PALLD: variants seen among roughly 807,000 people sequenced by gnomAD.
The protein encoded by PALLD is palladin.
Under a neutral mutation model 123.5 loss-of-function variants are expected in PALLD, and 61 were observed. That is an observed-to-expected ratio of 0.49 (90% CI 0.40 to 0.61). The LOEUF is 0.61. PALLD is among the 20% of genes least tolerant of loss of function. PALLD has a pLI of 0.00. For missense variants in PALLD, 1,273 were observed against 1,377.0 expected (o/e 0.92, Z 1.20); for synonymous variants, 465 against 496.4 (o/e 0.94, Z 0.84).
chr4:168,507,855 A>T (rs1762154458), intron 1 of PALLD, among the ~76,000 whole-genome samples: 1 of 152,116 alleles, frequency 6.6e-6, no homozygotes, highest in South Asian at 2.1e-4. Context: ...CTCCAGATAG[A>T]TTTCTGTTTA....
intron 3 of PALLD, among the ~76,000 whole-genome samples, chr4:168,676,608 C>T (rs940986040): frequency 4.6e-5 from 7 of 151,060 alleles, no homozygotes; most frequent in African/African-American, 9.7e-5. Context: ...TGAAAAGTCT[C>T]GCTCTGTCGC....
intron 10 of PALLD, chr4:168,878,209 C>A: frequency 1.3e-6 from 2 of 1,518,388 alleles, no homozygotes; most frequent in South Asian, 1.2e-5. Flanking sequence ...CGGTGCCCGA[C>A]GTGTTCCCAC....
chr4:168,501,590 C>A (rs1191339438), intron 1 of PALLD, among the ~76,000 whole-genome samples: 1 of 152,140 alleles, frequency 6.6e-6, no homozygotes, highest in Non-Finnish European at 1.5e-5. Context: ...TATTTGCCAA[C>A]CCTCCCAAAC....
rs139754358 is a variant in PALLD at position 168,867,731 on chromosome 4, G to A, written c.1965-23191G>A. 3.3e-4 allele frequency among the ~76,000 whole-genome samples: 50 copies of A among 151,706 alleles called. No homozygotes were observed. The East Asian group carries it at 7.8e-3, about 24-fold the overall frequency. On this transcript the variant is annotated intron_variant, in intron 10 of 21. Transcript: ENST00000505667. Reference sequence around the variant, plus strand: ...TATTAGATTAATTTTTATATTGTTCGTACCAGCAAGATGTTCTTGTTGGGC... The same window carrying A: ...TATTAGATTAATTTTTATATTGTTCATACCAGCAAGATGTTCTTGTTGGGC...
chr4:168,715,819 A>G lies in PALLD; in HGVS notation c.1964+3896A>G, dbSNP rs147839285. Among the ~76,000 whole-genome samples the G allele has an allele frequency of 3.9e-5, 6 of 152,016 alleles. No individual in the cohort carries two copies. In the South Asian group the frequency reaches 6.2e-4, roughly 16 times the overall value. ...CAAAAAATTAGCCGGGCGTGGTGGC[A>G]GGTGCCTGTAGTCCCAGCTACTCGG... On this transcript the variant is annotated intron_variant, in intron 10 of 21. Transcript: ENST00000505667.
chr4:168,724,204 A>T (rs766339204), intron 10 of PALLD, among the ~76,000 whole-genome samples: 2 of 152,014 alleles, frequency 1.3e-5, no homozygotes, highest in Non-Finnish European at 2.9e-5. Context: ...TCAACTAATG[A>T]CTCTCTAATT....
chr4:168,511,990 T>G lies in PALLD; in HGVS notation c.486T>G (p.Gly162=). ...VKPKTPHQRK[G]GPQSQLCDKA... ...CCAAAACGCCACATCAAAGAAAGGGTGGCCCCCAGAGCCAGCTGTGTGACA... is the reference window on the plus strand; with the variant it reads ...CCAAAACGCCACATCAAAGAAAGGGGGGCCCCCAGAGCCAGCTGTGTGACA... The change falls in exon 2 of 22, where the codon GGT becomes GGG. Residue 162 remains glycine (G), a synonymous_variant. Transcript: ENST00000505667. 6.2e-7 allele frequency: 1 copy of G among 1,614,108 alleles called. No individual in the cohort carries two copies. Among genetic ancestry groups the G allele is most frequent in the Non-Finnish European group, 8.5e-7 (1 of 1,180,028 alleles).
chr4:168,611,332 A>G (rs12648174), intron 2 of PALLD, among the ~76,000 whole-genome samples: 37,199 of 152,110 alleles, frequency 0.24, 5,082 homozygotes, highest in East Asian at 0.49. Context: ...AGCTTGTTTA[A>G]AAACTCCTTG....
At chr4:168,528,053 G>A (rs942967558) in intron 2 of PALLD, among the ~76,000 whole-genome samples, 3 of 152,102 alleles carry the variant, frequency 2.0e-5, no homozygotes, top group Admixed American at 6.5e-5. Flanking sequence ...ATACTCTGAC[G>A]ATACCTTCAG....
At position 168,922,108 on chromosome 4, in the gene PALLD, C is replaced by T. The variant is rs1468752553; in HGVS notation, c.3058+367C>T. Reference sequence around the variant, plus strand: ...ATTTATATATATATATATATACACACACACACACACACACACACACACACA... The same window carrying T: ...ATTTATATATATATATATATACACATACACACACACACACACACACACACA... On this transcript the variant is annotated intron_variant, in intron 18 of 21. Transcript: ENST00000505667. Among the ~76,000 whole-genome samples, 5 of 35,438 alleles carry T rather than the reference C, an allele frequency of 1.4e-4. No individual in the cohort carries two copies. In the South Asian group the frequency reaches 5.5e-3, roughly 39 times the overall value. 23.2% of individuals were successfully genotyped at this position (35,438 alleles called of 152,430 possible).
chr4:168,556,102 C>CT (rs1031316808), intron 2 of PALLD, among the ~76,000 whole-genome samples: 153 of 148,736 alleles, frequency 1.0e-3, no homozygotes, highest in Middle Eastern at 3.5e-3. Context: ...TATTAATACC[C>CT]TTTTTTTTTT....
At chr4:168,571,856 T>C (rs1769021863) in intron 2 of PALLD, among the ~76,000 whole-genome samples, 1 of 152,196 alleles carries the variant, frequency 6.6e-6, no homozygotes. Context: ...GCCTCGAGAC[T>C]ACTGTAGATG....
intron 8 of PALLD, among the ~76,000 whole-genome samples, chr4:168,697,768 A>C (rs1249654747): frequency 6.6e-6 from 1 of 152,258 alleles, no homozygotes; most frequent in East Asian, 1.9e-4. Flanking sequence ...GACCTTGAGC[A>C]GTAGGATATA....
chr4:168,894,840 G>A, intron 12 of PALLD, 163 bp downstream of exon 12: 2 of 1,123,058 alleles, frequency 1.8e-6, no homozygotes, highest in Non-Finnish European at 2.5e-6. Flanking sequence ...AATTTTTATT[G>A]AGCACATACT....
At chr4:168,692,879 T>C (rs560866953) in intron 8 of PALLD, among the ~76,000 whole-genome samples, 5 of 152,344 alleles carry the variant, frequency 3.3e-5, no homozygotes, top group African/African-American at 9.6e-5. Flanking sequence ...ATTTATCAAA[T>C]GTAGGTTGGA....
At chr4:168,554,076 G>C (rs1284473430) in intron 2 of PALLD, among the ~76,000 whole-genome samples, 1 of 152,186 alleles carries the variant, frequency 6.6e-6, no homozygotes, top group Non-Finnish European at 1.5e-5. Context: ...GGCACACAGG[G>C]AACTATCACT....
intron 17 of PALLD, 55 bp downstream of exon 17, chr4:168,916,082 C>T: frequency 6.5e-7 from 1 of 1,527,006 alleles, no homozygotes; most frequent in Non-Finnish European, 9.0e-7. Context: ...CCTCACTTGC[C>T]ATTTCTCTAT....
chr4:168,748,225 C>T (rs1175147791), intron 10 of PALLD, among the ~76,000 whole-genome samples: 1 of 152,182 alleles, frequency 6.6e-6, no homozygotes, highest in Admixed American at 6.5e-5. Context: ...GTCCTCCAAA[C>T]CAGCAACATC....
At chr4:168,792,508 T>G (rs1459173999) in intron 10 of PALLD, among the ~76,000 whole-genome samples, 1 of 151,914 alleles carries the variant, frequency 6.6e-6, no homozygotes, top group African/African-American at 2.4e-5. Flanking sequence ...TTGGCATCCT[T>G]AAGGTGCACC....
Sources: allele counts gnomAD v4.1 joint callset (sites outside exome capture counted in the v4.1 genomes callset), GRCh38; gene constraint gnomAD v4.1.1; transcripts MANE v1.5; gene names NCBI Gene and HGNC (gene_info 2026-07-23, HGNC 2026-07-21).